The following AGMO variants were observed in gnomAD, a reference collection of about 807,000 sequenced individuals.
AGMO encodes the protein alkylglycerol monooxygenase.
A neutral mutation model predicts 60.2 loss-of-function variants in AGMO; 75 were observed. The observed-to-expected ratio is 1.25, with a 90% CI of 1.03 to 1.51. The LOEUF is 1.51. AGMO is among the 40% of genes most tolerant of loss of function. The probability of loss-of-function intolerance (pLI) is 0.00; values close to 1 mark genes in which losing one functional copy is unlikely to be tolerated. For missense variants in AGMO, 763 were observed against 525.5 expected, an observed-to-expected ratio of 1.45 and a Z score of -4.42; for synonymous variants, 261 against 177.1, an observed-to-expected ratio of 1.47 and a Z score of -3.76.
chr7:15,226,549 T>C (rs1266114402), intron 12 of AGMO, among the ~76,000 whole-genome samples: 1 of 152,066 alleles, frequency 6.6e-6, no homozygotes, highest in African/African-American at 2.4e-5. Flanking sequence ...TATGAAGCCA[T>C]GCTAAATTTT....
intron 12 of AGMO, among the ~76,000 whole-genome samples, chr7:15,309,927 G>A (rs1463951587): frequency 6.6e-6 from 1 of 152,052 alleles, no homozygotes; most frequent in Non-Finnish European, 1.5e-5. Flanking sequence ...TATCATCTTT[G>A]CAGGTTTCCA....
At chr7:15,290,773 C>T (rs753575655) in intron 12 of AGMO, among the ~76,000 whole-genome samples, 8 of 152,080 alleles carry the variant, frequency 5.3e-5, no homozygotes. Context: ...CAATATTTCC[C>T]AAACTTTCGT....
chr7:15,509,722 C>T (rs911736666), intron 3 of AGMO, among the ~76,000 whole-genome samples: 2 of 151,978 alleles, frequency 1.3e-5, no homozygotes, highest in Non-Finnish European at 2.9e-5. Flanking sequence ...GTAAAAAAAT[C>T]CAAATGACCT....
the AGMO span, among the ~76,000 whole-genome samples, chr7:15,136,518 A>G: frequency 1.3e-5 from 2 of 151,952 alleles, no homozygotes; most frequent in African/African-American, 4.8e-5. Flanking sequence ...AGGAGCATTT[A>G]CATTATTACT....
Position 15,345,373 on chromosome 7 carries a change from C to A in AGMO, c.1263+20141G>T, listed in dbSNP as rs77837208. 8.3e-3 allele frequency among the ~76,000 whole-genome samples: 1,265 copies of A among 152,278 alleles called. 20 individuals carry two copies. The highest frequency in any genetic ancestry group is 0.029 in the African/African-American group (1,197 of 41,568). ...TAAGACCAAGCTTGGTCTGGATGCCCTCCCTCATACCCTTCAGTTGTGAAA... is the reference window on the plus strand; with the variant it reads ...TAAGACCAAGCTTGGTCTGGATGCCATCCCTCATACCCTTCAGTTGTGAAA... On this transcript the variant is annotated intron_variant, in intron 12 of 12. Transcript: ENST00000342526.
chr7:15,292,309 A>AT (rs1320440101), intron 12 of AGMO, among the ~76,000 whole-genome samples: 5 of 152,264 alleles, frequency 3.3e-5, no homozygotes, highest in Non-Finnish European at 5.9e-5. Flanking sequence ...AAACCAAGGC[A>AT]TTTGTACTGT....
At chr7:15,203,724 C>A (rs142842881) in intron 12 of AGMO, among the ~76,000 whole-genome samples, 1 of 152,032 alleles carries the variant, frequency 6.6e-6, no homozygotes, top group Non-Finnish European at 1.5e-5. Context: ...GGCAGTGAGA[C>A]AGTAGGAACT....
At chr7:15,368,501 T>C (rs765763209) in intron 10 of AGMO, among the ~76,000 whole-genome samples, 15 of 152,126 alleles carry the variant, frequency 9.9e-5, no homozygotes, top group South Asian at 8.3e-4. Context: ...CTATCACCCA[T>C]GTAAACATGA....
At chr7:15,520,054 T>G (rs1183642714) in intron 3 of AGMO, among the ~76,000 whole-genome samples, 1 of 148,982 alleles carries the variant, frequency 6.7e-6, no homozygotes, top group Non-Finnish European at 1.5e-5. Flanking sequence ...AATTCTAGTC[T>G]CTGATAAAAC....
intron 2 of AGMO, among the ~76,000 whole-genome samples, chr7:15,552,912 G>T (rs1444395152): frequency 2.7e-5 from 4 of 150,620 alleles, no homozygotes; most frequent in Non-Finnish European, 4.5e-5. Context: ...CAAAGACTTG[G>T]AACCAACCCA....
At position 15,387,549 on chromosome 7, in the gene AGMO, A is replaced by C. The variant is rs1583491670; in HGVS notation, c.823-9T>G. 1 of 1,585,180 alleles carries C rather than the reference A, an allele frequency of 6.3e-7. No individual in the cohort carries two copies. Among genetic ancestry groups the C allele is most frequent in the African/African-American group, 1.5e-5 (1 of 65,136 alleles). On this transcript the variant is annotated splice_polypyrimidine_tract_variant and intron_variant, in intron 8 of 12. Transcript: ENST00000342526. ...GAAAATAAGTGATGGAACTAGAAAC[A>C]ATAAAAAAAGAGCTTATTTCACATA...
At chr7:15,343,371 T>C (rs78687490) in intron 12 of AGMO, among the ~76,000 whole-genome samples, 1 of 152,136 alleles carries the variant, frequency 6.6e-6, no homozygotes, top group African/African-American at 2.4e-5. Context: ...ATTTAACTCA[T>C]TTTTTATCCC....
At chr7:15,534,860 T>C (rs1269980073) in intron 3 of AGMO, among the ~76,000 whole-genome samples, 1 of 151,840 alleles carries the variant, frequency 6.6e-6, no homozygotes, top group Non-Finnish European at 1.5e-5. Context: ...ACTACCAATG[T>C]ATTTTAATAT....
chr7:15,455,858 T>C (rs1366687204), intron 3 of AGMO, among the ~76,000 whole-genome samples: 1 of 152,132 alleles, frequency 6.6e-6, no homozygotes, highest in African/African-American at 2.4e-5. Context: ...CCCAATATTC[T>C]AAAATTTCAC....
chr7:15,432,379 T>TATATATATATACAC (rs373845365), intron 3 of AGMO, among the ~76,000 whole-genome samples: 1 of 136,198 alleles, frequency 7.3e-6, no homozygotes, highest in African/African-American at 2.8e-5. Context: ...CATATATATA[T>TATATATATATACAC]ACACTATCTG....
chr7:15,390,910 G>C lies in AGMO; in HGVS notation c.677-5C>G, dbSNP rs1274546917. 6.4e-7 allele frequency: 1 copy of C among 1,572,130 alleles called. No individual in the cohort carries two copies. Among genetic ancestry groups the C allele is most frequent in the African/African-American group, 1.4e-5 (1 of 73,400 alleles). ...CTATGCAATAACGATTTCTGCCTATGAGACAAAATATTAGAAATTTTTTTT... is the reference window on the plus strand; with the variant it reads ...CTATGCAATAACGATTTCTGCCTATCAGACAAAATATTAGAAATTTTTTTT... On this transcript the variant is annotated splice_polypyrimidine_tract_variant and splice_region_variant and intron_variant, in intron 6 of 12. Transcript: ENST00000342526.
At chr7:15,453,991 A>C (rs999160476) in intron 3 of AGMO, among the ~76,000 whole-genome samples, 2 of 148,218 alleles carry the variant, frequency 1.3e-5, no homozygotes, top group Non-Finnish European at 3.0e-5. Context: ...TACCTAATAT[A>C]TATTTTAAAA....
chr7:15,197,771 G>A (rs766911346), downstream of AGMO, among the ~76,000 whole-genome samples: 9 of 152,034 alleles, frequency 5.9e-5, no homozygotes, highest in Admixed American at 3.3e-4. Flanking sequence ...TTTGTATCTT[G>A]GAGCATCAAA....
intron 12 of AGMO, among the ~76,000 whole-genome samples, chr7:15,207,535 A>T (rs1283334772): frequency 6.6e-6 from 1 of 152,206 alleles, no homozygotes; most frequent in Non-Finnish European, 1.5e-5. Flanking sequence ...ATATTTTGAT[A>T]CACATACTCT....
Sources: allele counts gnomAD v4.1 joint callset (sites outside exome capture counted in the v4.1 genomes callset), GRCh38; gene constraint gnomAD v4.1.1; transcripts MANE v1.5; gene names NCBI Gene and HGNC (gene_info 2026-07-23, HGNC 2026-07-21).